The following RP1L1 variants were observed in gnomAD, a reference collection of about 807,000 sequenced individuals.
RP1L1 encodes RP1 like 1.
A neutral mutation model predicts 15.7 loss-of-function variants in RP1L1; 27 were observed. The observed-to-expected ratio is 1.72, with a 90% confidence interval of 1.27 to 2.38. The LOEUF (loss-of-function observed/expected upper bound fraction) is 2.38, where lower values mean the gene tolerates loss of function less well. RP1L1 is among the 30% of genes most tolerant of loss of function. The pLI, the probability that RP1L1 is intolerant of heterozygous loss-of-function variation, is 0.00. For synonymous variants in RP1L1, 1,813 were observed against 1,276.7 expected, an observed-to-expected ratio of 1.42 and a Z score of -8.96; for missense variants, 4,798 against 3,075.9, an observed-to-expected ratio of 1.56 and a Z score of -13.24.
Position 10,608,316 on chromosome 8 carries a change from C to T in RP1L1, c.5782G>A (p.Glu1928Lys), listed in dbSNP as rs1797752289. 2 of 1,613,540 alleles carry T rather than the reference C, an allele frequency of 1.2e-6. No homozygotes were observed. The highest frequency in any genetic ancestry group is 1.7e-5 in the Admixed American group (1 of 59,946). Residue 1928 changes from glutamate (E) to lysine (K), a missense_variant, in exon 4 of 4, where the codon GAA becomes AAA. Glu to Lys is a moderately conservative substitution (Grantham distance 56). Coordinates refer to ENST00000382483, the MANE Select transcript of RP1L1 (RefSeq NM_178857.6). ...TCTGACTCTGGCTCGTCCTCCCCTT[C>T]AGTCTCCAGGGCCTCTACACTTTCT... ...ETESVEALETEGEDEPESEGA... is the reference protein window; with the variant it reads ...ETESVEALETKGEDEPESEGA...
At position 10,611,663 on chromosome 8, in the gene RP1L1, C is replaced by T. The variant is rs773952428; in HGVS notation, c.2435G>A (p.Arg812Gln). Residue 812 changes from arginine (R) to glutamine (Q), a missense_variant, in exon 4 of 4, where the codon CGG becomes CAG. Transcript: ENST00000382483. ...GGGGCCCACCGCCCCTTGCTCAGGC[C>T]GTCCAACCTGCAGAACCAAGGGTGA... ...PSSPLVLQVG[R>Q]PEQGAVGPHR... The T allele has an allele frequency of 8.1e-6, 13 of 1,613,142 alleles. No individual in the cohort carries two copies. The East Asian group carries it at 8.9e-5, about 11-fold the overall frequency.
chr8:10,607,144 A>T lies in RP1L1; in HGVS notation c.6954T>A (p.His2318Gln). 1 of 1,614,226 alleles carries T rather than the reference A, an allele frequency of 6.2e-7. No individual in the cohort carries two copies. Among genetic ancestry groups the T allele is most frequent in the South Asian group, 1.1e-5 (1 of 91,082 alleles). Residue 2318 changes from histidine to glutamine, a missense_variant, in exon 4 of 4, where the codon CAT becomes CAA. Physicochemically the swap from His to Gln is conservative, Grantham distance 24. Transcript: ENST00000382483. Reference sequence around the variant, plus strand: ...CAGGGCTCCTTGTGTCTCCAAGTACATGGTCATTTTCTGAGTCTTTCTGCC... The same window carrying T: ...CAGGGCTCCTTGTGTCTCCAAGTACTTGGTCATTTTCTGAGTCTTTCTGCC... ...NCWQKDSENDHVLGDTRSPDA... is the reference protein window; with the variant it reads ...NCWQKDSENDQVLGDTRSPDA...
At chr8:10,632,353 C>T (rs1798265628) in intron 1 of RP1L1, among the ~76,000 whole-genome samples, 1 of 152,244 alleles carries the variant, frequency 6.6e-6, no homozygotes, top group Non-Finnish European at 1.5e-5. Context: ...ATGGAGGCGG[C>T]ATGTCTGAGA....
Position 10,608,263 on chromosome 8 carries a change from C to G in RP1L1, c.5835G>C (p.Glu1945Asp). 1.3e-6 allele frequency: 2 copies of G among 1,593,926 alleles called. No individual in the cohort carries two copies. The highest frequency in any genetic ancestry group is 1.7e-6 in the Non-Finnish European group (2 of 1,166,580). Residue 1945 changes from glutamate to aspartate, a missense_variant, in exon 4 of 4, where the codon GAG becomes GAC. By Grantham distance (45) the Glu-to-Asp change is conservative. Coordinates refer to ENST00000382483, the MANE Select transcript of RP1L1 (RefSeq NM_178857.6). The stretch of plus-strand genomic sequence containing the variant: ...TCTGCCCTTCTGCCTCCTGGGCCGC[C>G]TCTTCTGCCTCTTGGGCCTCTGCAC... ...SEGAEAQEAE[E>D]AAQEAEGQTQ...
At position 10,612,314 on chromosome 8, in the gene RP1L1, C is replaced by G; in HGVS notation, c.1784G>C (p.Gly595Ala). ...RSDDLQAETQ[G>A]QGTEQATGAA... Reference sequence around the variant, plus strand: ...TCCCGTGGCCTGCTCGGTGCCCTGTCCTTGCGTCTCTGCCTGCAGGTCGTC... The same window carrying G: ...TCCCGTGGCCTGCTCGGTGCCCTGTGCTTGCGTCTCTGCCTGCAGGTCGTC... The change falls in exon 4 of 4, where the codon GGA becomes GCA. Residue 595 changes from glycine to alanine, a missense_variant. By Grantham distance (60) the Gly-to-Ala change is moderately conservative (BLOSUM62 0). Coordinates refer to ENST00000382483, the MANE Select transcript of RP1L1 (RefSeq NM_178857.6). 5 of 1,613,236 alleles carry G rather than the reference C, an allele frequency of 3.1e-6. No individual in the cohort carries two copies. Among genetic ancestry groups the G allele is most frequent in the Non-Finnish European group, 4.2e-6 (5 of 1,180,026 alleles).
chr8:10,622,855 G>A lies in RP1L1; in HGVS notation c.347C>T (p.Pro116Leu). The part of the protein sequence containing the change: ...DKKPPKTPSG[P>L]GRPQERNPTA... ...GGGGTTTCTCTCCTGTGGCCGGCCT[G>A]GTCCACTGGGGGTCTTGGGGGGCTT... is the stretch of plus-strand genomic sequence containing the variant. The change falls in exon 2 of 4, where the codon CCA becomes CTA. Residue 116 changes from proline (P) to leucine (L), a missense_variant. Transcript: ENST00000382483. 6.2e-7 allele frequency: 1 copy of A among 1,613,016 alleles called. No homozygotes were observed. Among genetic ancestry groups the A allele is most frequent in the Non-Finnish European group, 8.5e-7 (1 of 1,179,256 alleles).
At chr8:10,619,394 C>T (rs1798022986) in intron 2 of RP1L1, among the ~76,000 whole-genome samples, 3 of 152,280 alleles carry the variant, frequency 2.0e-5, no homozygotes, top group East Asian at 1.9e-4. Context: ...AAGATGCCCT[C>T]GTTGTTCTAG....
chr8:10,626,995 G>A (rs558494799), intron 1 of RP1L1, among the ~76,000 whole-genome samples: 3 of 152,292 alleles, frequency 2.0e-5, no homozygotes, highest in Admixed American at 6.5e-5. Context: ...CAGAAAACAC[G>A]TGTTGGCATG....
chr8:10,623,033 C>T lies in RP1L1; in HGVS notation c.169G>A (p.Ala57Thr), dbSNP rs200493737. ...ATGAGGGCGCTGAAGGTCTTAAAGG[C>T]GCGCTGGTGAACGGCCAGGCGGACC... ...AGVRLAVHQR[A>T]FKTFSALMDE... The change falls in exon 2 of 4, where the codon GCC becomes ACC. Residue 57 changes from alanine to threonine, a missense_variant. Physicochemically the swap from Ala to Thr is moderately conservative, Grantham distance 58. Coordinates refer to ENST00000382483, the MANE Select transcript of RP1L1 (RefSeq NM_178857.6). The T allele has an allele frequency of 8.3e-4, 1,343 of 1,614,158 alleles. 10 individuals are homozygous for T. Among genetic ancestry groups the T allele is most frequent in the Non-Finnish European group, 1.8e-4 (216 of 1,180,032 alleles).
chr8:10,623,142 A>C lies in RP1L1; in HGVS notation c.60T>G (p.Ser20=). The C allele has an allele frequency of 1.2e-6, 2 of 1,606,208 alleles. No homozygotes were observed. The highest frequency in any genetic ancestry group is 1.7e-6 in the Non-Finnish European group (2 of 1,175,978). The change falls in exon 2 of 4, where the codon TCT becomes TCG. Residue 20 remains serine (S), a synonymous_variant. Transcript: ENST00000382483. Reference sequence around the variant, plus strand: ...TGGTGACCGAGGGGGTGCGAGCCACAGAGGGCAGGAAGCACTCACGGTGGC... The same window carrying C: ...TGGTGACCGAGGGGGTGCGAGCCACCGAGGGCAGGAAGCACTCACGGTGGC... ...APSHRECFLP[S]VARTPSVTKV...
chr8:10,609,754 C>T lies in RP1L1; in HGVS notation c.4344G>A (p.Glu1448=). 1.2e-6 allele frequency: 2 copies of T among 1,613,566 alleles called. No homozygotes were observed. Among genetic ancestry groups the T allele is most frequent in the Non-Finnish European group, 1.7e-6 (2 of 1,179,682 alleles). The stretch of plus-strand genomic sequence containing the variant: ...GATGACTAGGGGGCTCTGTGGGTTC[C>T]TCTGTGCCCTCTGCGGGGCACGGCT... ...SAEPCPAEGT[E]EPTEPPSHLS... The change falls in exon 4 of 4, where the codon GAG becomes GAA. Residue 1448 remains glutamate (E), a synonymous_variant. Coordinates refer to ENST00000382483, the MANE Select transcript of RP1L1 (RefSeq NM_178857.6).
rs747435861 is a variant in RP1L1 at position 10,609,162 on chromosome 8, G to T, written c.4936C>A (p.Gln1646Lys). Residue 1646 changes from glutamine to lysine, a missense_variant, in exon 4 of 4, where the codon CAG becomes AAG. By Grantham distance (53) the Gln-to-Lys change is moderately conservative (BLOSUM62 1). Coordinates refer to ENST00000382483, the MANE Select transcript of RP1L1 (RefSeq NM_178857.6). ...EPALSTALGS[Q>K]LGEEAEGEEF... is the part of the protein sequence containing the mutation. Reference sequence around the variant, plus strand: ...TCCCCCTCCGCCTCCTCGCCCAGCTGGCTCCCCAGGGCTGTGCTGAGGGCT... The same window carrying T: ...TCCCCCTCCGCCTCCTCGCCCAGCTTGCTCCCCAGGGCTGTGCTGAGGGCT... The T allele has an allele frequency of 3.7e-6, 6 of 1,612,694 alleles. No individual in the cohort carries two copies. In the East Asian group the frequency reaches 1.3e-4, roughly 36 times the overall value.
Position 10,622,796 on chromosome 8 carries a change from G to A in RP1L1, c.406C>T (p.Arg136Cys), listed in dbSNP as rs781222519. 22 of 1,613,878 alleles carry A rather than the reference G, an allele frequency of 1.4e-5. No individual in the cohort carries two copies. Among genetic ancestry groups the A allele is most frequent in the South Asian group, 1.1e-4 (10 of 91,048 alleles). Reference sequence around the variant, plus strand: ...GAGGAGGAGGTGCCTGGGGCTTCACGCTGGCCTTCGACATCCCGCAACTGC... The same window carrying A: ...GAGGAGGAGGTGCCTGGGGCTTCACACTGGCCTTCGACATCCCGCAACTGC... ...AQQLRDVEGQ[R>C]EAPGTSSSRK... The change falls in exon 2 of 4, where the codon CGT becomes TGT. Residue 136 changes from arginine (R) to cysteine (C), a missense_variant. Transcript: ENST00000382483.
Position 10,610,959 on chromosome 8 carries a change from C to G in RP1L1, c.3139G>C (p.Ala1047Pro), listed in dbSNP as rs1322794040. The change falls in exon 4 of 4, where the codon GCT becomes CCT. Residue 1047 changes from alanine to proline, a missense_variant. Coordinates refer to ENST00000382483, the MANE Select transcript of RP1L1 (RefSeq NM_178857.6). ...GGGGCCTCGGAAACTCCCTCTGGAG[C>G]TGCCCCTTGGGGGACACCCTCTCCT... ...QSGEGVPQGA[A>P]PEGVSEAPAE... 1 of 1,612,138 alleles carries G rather than the reference C, an allele frequency of 6.2e-7. No homozygotes were observed. The highest frequency in any genetic ancestry group is 8.5e-7 in the Non-Finnish European group (1 of 1,179,760).
At chr8:10,632,746 C>T (rs1798271333) in intron 1 of RP1L1, among the ~76,000 whole-genome samples, 1 of 152,212 alleles carries the variant, frequency 6.6e-6, no homozygotes, top group Admixed American at 6.5e-5. Flanking sequence ...ATTCATCCAA[C>T]ACAGGGGTCC....
rs201740490 is a variant in RP1L1, at chr8:10,610,585, G to A, written c.3513C>T (p.Gly1171=). 2 of 1,613,626 alleles carry A rather than the reference G, an allele frequency of 1.2e-6. No homozygotes were observed. The highest frequency in any genetic ancestry group is 1.3e-5 in the African/African-American group (1 of 75,050). ...CDVGEDQLDS[G]LWELTWSQAL... Reference sequence around the variant, plus strand: ...CCTGGCTCCATGTGAGCTCCCAGAGGCCTGAGTCCAGCTGGTCTTCCCCAA... The same window carrying A: ...CCTGGCTCCATGTGAGCTCCCAGAGACCTGAGTCCAGCTGGTCTTCCCCAA... Residue 1171 remains glycine, a synonymous_variant, in exon 4 of 4, where the codon GGC becomes GGT. Coordinates refer to ENST00000382483, the MANE Select transcript of RP1L1 (RefSeq NM_178857.6).
At chr8:10,639,260 CAGAG>C (rs1015030401) in intron 1 of RP1L1, among the ~76,000 whole-genome samples, 7 of 152,144 alleles carry the variant, frequency 4.6e-5, no homozygotes, top group Admixed American at 1.3e-4. Context: ...GCTCATGCAT[CAGAG>C]AGAGAAAGAC....
At chr8:10,630,981 G>T (rs1431681427) in intron 1 of RP1L1, among the ~76,000 whole-genome samples, 3 of 152,200 alleles carry the variant, frequency 2.0e-5, no homozygotes, top group Admixed American at 6.5e-5. Context: ...CCCCTTTGCA[G>T]GTAGAGTCTT....
Position 10,612,651 on chromosome 8 carries a change from C to T in RP1L1, c.1447G>A (p.Ala483Thr), listed in dbSNP as rs768823005. 3.1e-6 allele frequency: 5 copies of T among 1,601,500 alleles called. No homozygotes were observed. The highest frequency in any genetic ancestry group is 1.1e-5 in the South Asian group (1 of 90,956). Residue 483 changes from alanine to threonine, a missense_variant, in exon 4 of 4, where the codon GCC becomes ACC. Ala to Thr is a moderately conservative substitution (Grantham distance 58, BLOSUM62 0). Transcript: ENST00000382483. ...PRTPEDGVDS[A>T]SPSAQIGAER... ...GCCCCTATCTGGGCAGAGGGGCTGG[C>T]ACTGTCCACCCCGTCCTCCGGGGTC...
Sources: gnomAD v4.1 joint callset for allele counts (sites outside exome capture counted in the v4.1 genomes callset) on GRCh38, gnomAD v4.1.1 for gene constraint, MANE v1.5 for transcripts, NCBI Gene and HGNC (gene_info 2026-07-23, HGNC 2026-07-21) for gene names.